KLHDC1: variants seen among roughly 807,000 people sequenced by gnomAD.
The protein encoded by KLHDC1 is kelch domain containing 1, also known as kelch domain-containing protein 1.
A neutral mutation model predicts 68.3 loss-of-function variants in KLHDC1; 53 were observed. The observed-to-expected ratio is 0.78, with a 90% CI of 0.62 to 0.98. The LOEUF (loss-of-function observed/expected upper bound fraction) is 0.98. Among genes scored for constraint, KLHDC1 ranks in the 50% least tolerant of loss-of-function variants. The pLI is 0.00. For missense variants in KLHDC1, 470 were observed against 492.3 expected, an observed-to-expected ratio of 0.95 and a Z score of 0.43; for synonymous variants, 148 against 159.0, an observed-to-expected ratio of 0.93 and a Z score of 0.52.
chr14:49,724,075 A>G (rs1888606702), intron 5 of KLHDC1, 123 bp downstream of exon 5: 1 of 598,024 alleles, frequency 1.7e-6, no homozygotes, highest in Non-Finnish European at 2.9e-6. Context: ...ACGCTATGAA[A>G]AAAATGTGTT....
chr14:49,709,679 T>A, intron 2 of KLHDC1, 30 bp from the exon 3 acceptor site: 1 of 1,308,252 alleles, frequency 7.6e-7, no homozygotes, highest in Non-Finnish European at 1.1e-6. Flanking sequence ...TTCTGGAAAG[T>A]TATGGGATTC....
chr14:49,712,525 G>A (rs1250168853), intron 4 of KLHDC1, among the ~76,000 whole-genome samples: 2 of 145,046 alleles, frequency 1.4e-5, no homozygotes, highest in African/African-American at 5.2e-5. Context: ...TTTTTGAGAC[G>A]GAGTCTCCCT....
intron 1 of KLHDC1, among the ~76,000 whole-genome samples, chr14:49,703,335 C>A (rs1887958676): frequency 1.3e-5 from 2 of 151,120 alleles, no homozygotes; most frequent in East Asian, 3.9e-4. Context: ...CATATGTTTT[C>A]TTTCATGAAT....
intron 1 of KLHDC1, chr14:49,700,147 C>T (rs983972870): frequency 1.3e-5 from 3 of 237,644 alleles, no homozygotes; most frequent in South Asian, 7.9e-5. Context: ...CTGCCTCAGC[C>T]TCCCGAGTAG....
intron 10 of KLHDC1, among the ~76,000 whole-genome samples, chr14:49,739,555 G>A (rs1889010037): frequency 6.6e-6 from 1 of 152,210 alleles, no homozygotes; most frequent in South Asian, 2.1e-4. Context: ...AATTGGATTT[G>A]TTGGGTGATG....
chr14:49,695,158 A>G (rs1887702232), intron 1 of KLHDC1, among the ~76,000 whole-genome samples: 1 of 75,660 alleles, frequency 1.3e-5, no homozygotes, highest in East Asian at 3.2e-4. Context: ...GTTTTGAGAC[A>G]ATCTCTCCTG....
At chr14:49,714,765 ATATAC>A (rs1253824563) in intron 4 of KLHDC1, among the ~76,000 whole-genome samples, 23 of 150,984 alleles carry the variant, frequency 1.5e-4, no homozygotes, top group African/African-American at 4.4e-4. Context: ...ACTCTGACTC[ATATAC>A]TATACTATAC....
intron 12 of KLHDC1, among the ~76,000 whole-genome samples, chr14:49,749,601 C>T (rs56681199): frequency 0.02 from 3,063 of 149,742 alleles, 113 homozygotes; most frequent in African/African-American, 0.072. Context: ...TTGCTTGAAC[C>T]TGGGAGGCAG....
intron 1 of KLHDC1, among the ~76,000 whole-genome samples, chr14:49,695,569 T>G (rs1887716225): frequency 6.6e-6 from 1 of 152,176 alleles, no homozygotes; most frequent in Admixed American, 6.6e-5. Context: ...GCACAGGCAG[T>G]GTAGATTTAG....
intron 10 of KLHDC1, among the ~76,000 whole-genome samples, chr14:49,736,492 G>A (rs1263373976): frequency 2.0e-5 from 3 of 152,146 alleles, no homozygotes; most frequent in Non-Finnish European, 4.4e-5. Context: ...ACAGGTATGA[G>A]GTGAGGAGAA....
At chr14:49,696,437 T>C (rs1594643390) in intron 1 of KLHDC1, among the ~76,000 whole-genome samples, 2 of 152,178 alleles carry the variant, frequency 1.3e-5, no homozygotes, top group East Asian at 3.9e-4. Context: ...CACTTTGGCC[T>C]CCCAAAGTGC....
At chr14:49,743,877 A>G (rs1889128565) in intron 12 of KLHDC1, 72 bp downstream of exon 12, 4 of 905,854 alleles carry the variant, frequency 4.4e-6, no homozygotes, top group Middle Eastern at 2.4e-4. Context: ...TTTGGGAAGC[A>G]TTGAAATATT....
At chr14:49,720,647 A>G (rs1342195449) in intron 4 of KLHDC1, among the ~76,000 whole-genome samples, 5 of 151,694 alleles carry the variant, frequency 3.3e-5, no homozygotes, top group Admixed American at 1.3e-4. Flanking sequence ...ATTATCAAAT[A>G]TTTCTTCTCC....
chr14:49,707,329 CA>C (rs1888078972), intron 1 of KLHDC1, among the ~76,000 whole-genome samples: 1 of 126,932 alleles, frequency 7.9e-6, no homozygotes, highest in East Asian at 2.4e-4. Flanking sequence ...ACATGGTAGA[CA>C]AGATATTCTT....
intron 1 of KLHDC1, among the ~76,000 whole-genome samples, chr14:49,695,307 A>G (rs986010000): frequency 1.9e-4 from 29 of 152,198 alleles, no homozygotes; most frequent in African/African-American, 5.5e-4. Flanking sequence ...CATGAAATGT[A>G]TTTTCTTAAA....
chr14:49,717,562 T>A (rs1888412530), intron 4 of KLHDC1, among the ~76,000 whole-genome samples: 1 of 152,252 alleles, frequency 6.6e-6, no homozygotes, highest in African/African-American at 2.4e-5. Flanking sequence ...GTCGTCTGTC[T>A]TTTTGATGTT....
chr14:49,738,623 C>T (rs1161171419), intron 10 of KLHDC1, among the ~76,000 whole-genome samples: 1 of 152,174 alleles, frequency 6.6e-6, no homozygotes, highest in Non-Finnish European at 1.5e-5. Flanking sequence ...GATGGGATTA[C>T]AGGCTTGAGC....
Position 49,710,265 on chromosome 14 carries a change from T to A in KLHDC1, c.288T>A (p.Leu96=). ...GYDDKGYSNR[L]YFVNLRTRDE... ...AATAGTGTTCTCATCTTTTAAAGCTTTATTTTGTTAATTTACGAACAAGAG... is the reference window on the plus strand; with the variant it reads ...AATAGTGTTCTCATCTTTTAAAGCTATATTTTGTTAATTTACGAACAAGAG... The change falls in exon 4 of 13, where the codon CTT becomes CTA. Residue 96 remains leucine, a splice_region_variant and synonymous_variant. Transcript: ENST00000359332. 1 of 1,556,216 alleles carries A rather than the reference T, an allele frequency of 6.4e-7. No homozygotes were observed. Among genetic ancestry groups the A allele is most frequent in the African/African-American group, 1.4e-5 (1 of 73,708 alleles).
chr14:49,720,579 T>G (rs1888501677), intron 4 of KLHDC1, among the ~76,000 whole-genome samples: 1 of 152,004 alleles, frequency 6.6e-6, no homozygotes, highest in South Asian at 2.1e-4. Flanking sequence ...TTACTTGGAG[T>G]GTGCTGAGCT....
Sources: gnomAD v4.1 joint callset for allele counts (sites outside exome capture counted in the v4.1 genomes callset) on GRCh38, gnomAD v4.1.1 for gene constraint, MANE v1.5 for transcripts, NCBI Gene and HGNC (gene_info 2026-07-23, HGNC 2026-07-21) for gene names.